The following NUDC variants were observed in gnomAD, a reference collection of about 807,000 sequenced individuals.
NUDC encodes the protein nuclear migration protein nudC.
A neutral mutation model predicts 45.0 loss-of-function variants in NUDC; 14 were observed. The ratio of observed to expected loss-of-function variants is 0.31; its 90% CI spans 0.21 to 0.49. The LOEUF is 0.49. NUDC is among the 20% of genes least tolerant of loss of function. NUDC has a pLI of 0.99. For synonymous variants in NUDC, 153 were observed against 156.7 expected (o/e 0.98, Z 0.17); for missense variants, 323 against 426.2 (o/e 0.76, Z 2.13).
Position 26,921,760 on chromosome 1 carries a change from A to C in NUDC, c.-89A>C. The stretch of plus-strand genomic sequence containing the variant: ...GCTCCGCTGCGGAAGGCGGACGACT[A>C]GAGTCGTTGGGCCCGGCGCGACCCG... On this transcript the variant is annotated 5_prime_UTR_variant, in exon 1 of 9. Transcript: ENST00000321265. The C allele has an allele frequency of 2.2e-6, 3 of 1,360,444 alleles. No individual in the cohort carries two copies. The highest frequency in any genetic ancestry group is 3.1e-6 in the Non-Finnish European group (3 of 978,180). 84.3% of individuals were successfully genotyped at this position (1,360,444 alleles called of 1,614,324 possible). A position where few individuals can be genotyped will look rare whatever the true frequency, so the allele number is the denominator to read the frequency against.
At chr1:26,937,283 G>A (rs1302145977) in intron 2 of NUDC, among the ~76,000 whole-genome samples, 9 of 152,044 alleles carry the variant, frequency 5.9e-5, no homozygotes, top group African/African-American at 1.9e-4. Flanking sequence ...TTTTTGTTTT[G>A]AGACAGGTTC....
At chr1:26,900,506 C>G (rs1310554742) in intron 1 of NUDC, 2 of 1,377,740 alleles carry the variant, frequency 1.5e-6, no homozygotes, top group Admixed American at 4.1e-5. Context: ...AACGTTCCAG[C>G]CCCTGCGTTG....
chr1:26,910,043 G>A (rs2082019054), intron 2 of NUDC, among the ~76,000 whole-genome samples: 1 of 152,158 alleles, frequency 6.6e-6, no homozygotes, highest in Non-Finnish European at 1.5e-5. Flanking sequence ...CACAGACACA[G>A]GTCTGCCTAC....
intron 3 of NUDC, chr1:26,912,066 C>A (rs199619628): frequency 6.2e-7 from 1 of 1,613,836 alleles, no homozygotes; most frequent in Non-Finnish European, 8.5e-7. Flanking sequence ...ATGTGGGAGG[C>A]GGCTTGGAGG....
In NUDC at chr1:26,943,308, A is replaced by G. The variant is rs368691295; in HGVS notation, c.741+243A>G. 6.6e-5 allele frequency among the ~76,000 whole-genome samples: 10 copies of G among 152,244 alleles called. No homozygotes were observed. In the East Asian group the frequency reaches 1.7e-3, roughly 26 times the overall value. On this transcript the variant is annotated intron_variant, in intron 6 of 8. Coordinates refer to ENST00000321265, the MANE Select transcript of NUDC (RefSeq NM_006600.4). ...CTGCAGCCTTGAACCCTTGGGCCCA[A>G]GCAATTCTCTCGCCTCGTCCTCCTG... is the stretch of plus-strand genomic sequence containing the variant.
At chr1:26,926,805 G>A (rs896355565) in intron 2 of NUDC, among the ~76,000 whole-genome samples, 1 of 152,058 alleles carries the variant, frequency 6.6e-6, no homozygotes. Flanking sequence ...CACCATGTTG[G>A]TTAGGCTGTT....
At chr1:26,901,790 G>A (rs549691270) in intron 1 of NUDC, among the ~76,000 whole-genome samples, 23 of 152,170 alleles carry the variant, frequency 1.5e-4, no homozygotes, top group African/African-American at 5.3e-4. Flanking sequence ...ATTATACTGG[G>A]TGATAGGAGG....
intron 2 of NUDC, among the ~76,000 whole-genome samples, chr1:26,908,385 G>A (rs912694233): frequency 1.3e-5 from 2 of 152,092 alleles, no homozygotes; most frequent in Admixed American, 6.6e-5. Context: ...ACATTGTACC[G>A]TAATTATCTC....
At chr1:26,931,203 G>A (rs1426564245) in intron 2 of NUDC, among the ~76,000 whole-genome samples, 3 of 145,688 alleles carry the variant, frequency 2.1e-5, no homozygotes, top group Admixed American at 1.4e-4. Context: ...TCAGCCTCCC[G>A]AGTAGCTGGG....
At chr1:26,904,032 A>T (rs144369388) in intron 2 of NUDC, among the ~76,000 whole-genome samples, 10,850 of 108,386 alleles carry the variant, frequency 0.1, 777 homozygotes, top group Non-Finnish European at 0.12. Context: ...ATAAATAAAT[A>T]AATTAAATAA....
chr1:26,930,669 G>A (rs190112314), intron 2 of NUDC, among the ~76,000 whole-genome samples: 80 of 149,222 alleles, frequency 5.4e-4, no homozygotes, highest in African/African-American at 1.9e-3. Context: ...ATGATAAACG[G>A]CACTGTAATC....
At chr1:26,907,486 G>A (rs1381527964) in intron 2 of NUDC, among the ~76,000 whole-genome samples, 1 of 152,212 alleles carries the variant, frequency 6.6e-6, no homozygotes, top group Non-Finnish European at 1.5e-5. Context: ...GAGACATTGA[G>A]TGATAGAATG....
At chr1:26,924,262 A>C in intron 2 of NUDC, 96 bp downstream of exon 2, 1 of 1,044,694 alleles carries the variant, frequency 9.6e-7, no homozygotes, top group Non-Finnish European at 1.5e-6. Context: ...CTTTCAGCAG[A>C]AGCGAAATGC....
intron 2 of NUDC, among the ~76,000 whole-genome samples, chr1:26,927,297 GTGTGTGTC>G (rs1461418469): frequency 4.0e-5 from 6 of 151,450 alleles, no homozygotes; most frequent in Non-Finnish European, 5.9e-5. Flanking sequence ...GTGTGTGTGT[GTGTGTGTC>G]AGGGTCTTGC....
upstream of NUDC, among the ~76,000 whole-genome samples, chr1:26,919,574 G>T (rs1173080181): frequency 6.6e-6 from 1 of 152,136 alleles, no homozygotes; most frequent in Non-Finnish European, 1.5e-5. Context: ...TACAGCAAGG[G>T]TCATGAGGTA....
chr1:26,913,758 A>G (rs760292984), intron 3 of NUDC: 1 of 1,580,286 alleles, frequency 6.3e-7, no homozygotes, highest in East Asian at 2.3e-5. Context: ...TGGCCAGAAC[A>G]TCCAAGGCCT....
chr1:26,918,360 G>A (rs1307864290), upstream of NUDC, among the ~76,000 whole-genome samples: 2 of 139,916 alleles, frequency 1.4e-5, no homozygotes, highest in South Asian at 2.3e-4. Context: ...TGCAACCTCC[G>A]CCTCCCAGGT....
intron 7 of NUDC, 28 bp downstream of exon 7, chr1:26,945,501 C>T (rs1265223879): frequency 9.3e-6 from 15 of 1,612,844 alleles, no homozygotes; most frequent in Non-Finnish European, 1.3e-5. Flanking sequence ...GGGGGAGCTT[C>T]AGCAGGAAGG....
intron 4 of NUDC, 53 bp from the exon 5 acceptor site, chr1:26,942,607 A>C (rs1259966283): frequency 1.9e-6 from 3 of 1,612,306 alleles, no homozygotes; most frequent in African/African-American, 1.3e-5. Context: ...GTGAGGGTTC[A>C]ATCTGTGTCT....
Sources: gnomAD v4.1 joint callset for allele counts (sites outside exome capture counted in the v4.1 genomes callset) on GRCh38, gnomAD v4.1.1 for gene constraint, MANE v1.5 for transcripts, NCBI Gene and HGNC (gene_info 2026-07-23, HGNC 2026-07-21) for gene names.